Variants in SLC2A2 observed in about 807,000 individuals in gnomAD.
SLC2A2 encodes the protein solute carrier family 2, facilitated glucose transporter member 2.
SLC2A2 carries 36 observed loss-of-function variants against 54.5 expected under a neutral mutation model. That is an observed-to-expected ratio of 0.66 (90% CI 0.51 to 0.87). SLC2A2 has a LOEUF of 0.87. Ranked by LOEUF, SLC2A2 falls within the 40% of genes least tolerant of loss-of-function variation. The pLI is 0.00. For synonymous variants in SLC2A2, 223 were observed against 219.1 expected (o/e 1.02, Z -0.16); for missense variants, 543 against 624.3 (o/e 0.87, Z 1.39).
In SLC2A2 at chr3:170,996,654, A is replaced by G. The variant is rs753663594; in HGVS notation, c.*1249T>C. On this transcript the variant is annotated 3_prime_UTR_variant, in exon 11 of 11. Coordinates refer to ENST00000314251, the MANE Select transcript of SLC2A2 (RefSeq NM_000340.2). ...TCTGTTTAATCATCTGTGTATTTCC[A>G]ATTTGCCTATGTAGGTAAAGGCAGA... 2.5e-6 allele frequency: 1 copy of G among 397,870 alleles called. No homozygotes were observed. The highest frequency in any genetic ancestry group is 4.4e-6 in the Non-Finnish European group (1 of 225,628). 24.6% of individuals were successfully genotyped at this position (397,870 alleles called of 1,614,324 possible). A position where few individuals can be genotyped will look rare whatever the true frequency, so the allele number is the denominator to read the frequency against.
intron 3 of SLC2A2, 74 bp downstream of exon 3, chr3:171,014,395 A>AT (rs1238544465): frequency 6.6e-7 from 1 of 1,509,300 alleles, no homozygotes; most frequent in African/African-American, 1.4e-5. Context: ...GAAAGATAAT[A>AT]TTTTTCTAAA....
At chr3:171,005,889 T>A (rs752759948) in intron 6 of SLC2A2, 54 bp downstream of exon 6, 9 of 1,529,816 alleles carry the variant, frequency 5.9e-6, no homozygotes, top group Non-Finnish European at 7.2e-6. Flanking sequence ...CTGTTTTACA[T>A]TAGCTGATAA....
chr3:171,002,079 A>T (rs867376893), intron 8 of SLC2A2, among the ~76,000 whole-genome samples: 28 of 152,082 alleles, frequency 1.8e-4, no homozygotes, highest in Middle Eastern at 3.4e-3. Flanking sequence ...GAGTCTGTTT[A>T]ACTTTGCTTA....
At chr3:171,019,632 A>G (rs1219848174) in intron 1 of SLC2A2, among the ~76,000 whole-genome samples, 1 of 152,208 alleles carries the variant, frequency 6.6e-6, no homozygotes, top group African/African-American at 2.4e-5. Flanking sequence ...TTCAATGGGA[A>G]ATAGTCAAAT....
chr3:170,999,394 T>C (rs946541854), intron 8 of SLC2A2, among the ~76,000 whole-genome samples: 13 of 152,062 alleles, frequency 8.5e-5, no homozygotes, highest in African/African-American at 3.1e-4. Context: ...ATCTGCTTAA[T>C]TTAGTCACAT....
intron 7 of SLC2A2, among the ~76,000 whole-genome samples, chr3:171,004,279 A>C (rs967672809): frequency 6.6e-6 from 1 of 152,060 alleles, no homozygotes; most frequent in Non-Finnish European, 1.5e-5. Context: ...ATTAAATTTT[A>C]TGCCATTGAA....
At chr3:171,012,743 T>C (rs1277300637) in intron 3 of SLC2A2, among the ~76,000 whole-genome samples, 3 of 152,202 alleles carry the variant, frequency 2.0e-5, no homozygotes, top group Non-Finnish European at 4.4e-5. Context: ...ATGGGGATAC[T>C]GATAACTTTG....
rs113950869 is a variant in SLC2A2 at position 171,014,940 on chromosome 3, A to G, written c.109-209T>C. On this transcript the variant is annotated intron_variant, in intron 2 of 10. Coordinates refer to ENST00000314251, the MANE Select transcript of SLC2A2 (RefSeq NM_000340.2). ...TTGCCAACAAGAACCAGGCAGGAAC[A>G]AATAAATGAAGGGAACATGTAATAC... Among the ~76,000 whole-genome samples the G allele has an allele frequency of 3.5e-3, 534 of 152,318 alleles. 5 individuals carry two copies. Among genetic ancestry groups the G allele is most frequent in the African/African-American group, 0.012 (506 of 41,578 alleles).
At chr3:171,002,726 C>A (rs1560033446) in intron 7 of SLC2A2, 46 bp from the exon 8 acceptor site, 1 of 1,050,472 alleles carries the variant, frequency 9.5e-7, no homozygotes, top group East Asian at 2.5e-5. Context: ...AAGTCTGGCA[C>A]TGATATCTTT....
intron 1 of SLC2A2, among the ~76,000 whole-genome samples, chr3:171,026,044 C>A (rs1412396607): frequency 6.6e-6 from 1 of 152,106 alleles, no homozygotes; most frequent in African/African-American, 2.4e-5. Flanking sequence ...CATTTCACCC[C>A]TAAATACTTT....
chr3:171,018,512 T>A lies in SLC2A2; in HGVS notation c.108+19A>T. 1 of 1,553,224 alleles carries A rather than the reference T, an allele frequency of 6.4e-7. No individual in the cohort carries two copies. The highest frequency in any genetic ancestry group is 8.9e-7 in the Non-Finnish European group (1 of 1,124,536). On this transcript the variant is annotated intron_variant, in intron 2 of 10. Transcript: ENST00000314251. ...TGACAGAACTTGCCAAAAAGAGAACTTCTACATATTTCACTTGCCTGTTGA... is the reference window on the plus strand; with the variant it reads ...TGACAGAACTTGCCAAAAAGAGAACATCTACATATTTCACTTGCCTGTTGA...
rs867517486 is a variant in SLC2A2 at position 170,998,128 on chromosome 3, T to C, written c.1375-25A>G. 1.1e-5 allele frequency: 18 copies of C among 1,613,330 alleles called. No individual in the cohort carries two copies. The Middle Eastern group carries it at 2.5e-3, about 222-fold the overall frequency. On this transcript the variant is annotated intron_variant, in intron 10 of 10. Coordinates refer to ENST00000314251, the MANE Select transcript of SLC2A2 (RefSeq NM_000340.2). ...CCTGGATAGAAAGCAAACACAGACT[T>C]TGAGTTAGCAGTTTTTTGACCCTCT...
chr3:171,010,004 A>G lies in SLC2A2; in HGVS notation c.450T>C (p.Ser150=). ...TTCTTCCAGCAATTATAAGTATATG[A>G]GATGGTCCCAATTTTGAAAACCCCA... ...LLMGFSKLGP[S]HILIIAGRSI... is the part of the protein sequence containing the mutation. The change falls in exon 4 of 11, where the codon TCT becomes TCC. Residue 150 remains serine, a synonymous_variant. Coordinates refer to ENST00000314251, the MANE Select transcript of SLC2A2 (RefSeq NM_000340.2). 6.2e-7 allele frequency: 1 copy of G among 1,611,870 alleles called. No individual in the cohort carries two copies. Among genetic ancestry groups the G allele is most frequent in the Non-Finnish European group, 8.5e-7 (1 of 1,178,936 alleles).
intron 5 of SLC2A2, among the ~76,000 whole-genome samples, chr3:171,006,813 C>G (rs767235470): frequency 7.9e-5 from 12 of 152,020 alleles, no homozygotes; most frequent in Non-Finnish European, 1.5e-4. Flanking sequence ...TTCTTGACAT[C>G]TAAATGGAAT....
chr3:171,009,688 G>A (rs527352813), intron 4 of SLC2A2, among the ~76,000 whole-genome samples: 1 of 152,150 alleles, frequency 6.6e-6, no homozygotes, highest in African/African-American at 2.4e-5. Context: ...GCAACTGAGA[G>A]TCAGAGTTAA....
intron 1 of SLC2A2, among the ~76,000 whole-genome samples, chr3:171,019,057 ATGTG>A (rs762355106): frequency 5.8e-5 from 8 of 137,846 alleles, no homozygotes; most frequent in East Asian, 4.2e-4. Context: ...ATTTGTTGAT[ATGTG>A]TGTGTGTGTG....
intron 7 of SLC2A2, among the ~76,000 whole-genome samples, chr3:171,003,717 A>G (rs1454014485): frequency 6.6e-6 from 1 of 152,026 alleles, no homozygotes; most frequent in Non-Finnish European, 1.5e-5. Context: ...GTGATTATGA[A>G]TAGTGCTGCT....
At chr3:171,010,905 C>T (rs999260364) in intron 3 of SLC2A2, among the ~76,000 whole-genome samples, 3 of 151,972 alleles carry the variant, frequency 2.0e-5, no homozygotes, top group African/African-American at 4.8e-5. Flanking sequence ...AATGGGAAAG[C>T]GAGGTACACA....
At chr3:171,003,024 A>G (rs926515162) in intron 7 of SLC2A2, among the ~76,000 whole-genome samples, 1 of 152,028 alleles carries the variant, frequency 6.6e-6, no homozygotes, top group Non-Finnish European at 1.5e-5. Flanking sequence ...GAACACACCT[A>G]TGTAACTAGC....
Sources: gnomAD v4.1 joint callset for allele counts (sites outside exome capture counted in the v4.1 genomes callset) on GRCh38, gnomAD v4.1.1 for gene constraint, MANE v1.5 for transcripts, NCBI Gene and HGNC (gene_info 2026-07-23, HGNC 2026-07-21) for gene names.